CES5A: variants seen among roughly 807,000 people sequenced by gnomAD.
CES5A encodes carboxylesterase 5.
In CES5A, 67 loss-of-function variants were observed where a neutral mutation model predicts 62.9. The observed-to-expected ratio is 1.07, with a 90% CI of 0.88 to 1.31. The LOEUF (loss-of-function observed/expected upper bound fraction) is 1.31, where lower values mean the gene tolerates loss of function less well. CES5A is among the 50% of genes most tolerant of loss of function. The probability of loss-of-function intolerance (pLI) is 0.00; values close to 1 mark genes in which losing one functional copy is unlikely to be tolerated. For synonymous variants in CES5A, 296 were observed against 280.8 expected, an observed-to-expected ratio of 1.05 and a Z score of -0.54; for missense variants, 748 against 708.5, an observed-to-expected ratio of 1.06 and a Z score of -0.63.
chr16:55,920,888 A>C (rs1450582701), intron 1 of CES5A, among the ~76,000 whole-genome samples: 2 of 152,250 alleles, frequency 1.3e-5, no homozygotes, highest in East Asian at 3.9e-4. Context: ...AAAACAATTC[A>C]GAAATTTACC....
At chr16:55,875,643 G>A (rs2033682266), upstream of CES5A, among the ~76,000 whole-genome samples, 1 of 152,210 alleles carries the variant, frequency 6.6e-6, no homozygotes, top group Non-Finnish European at 1.5e-5. Flanking sequence ...AGAGGAAGAA[G>A]GTTGCTGCTG....
intron 2 of CES5A, among the ~76,000 whole-genome samples, chr16:55,931,257 C>T (rs1219018313): frequency 6.6e-6 from 1 of 152,186 alleles, no homozygotes; most frequent in South Asian, 2.1e-4. Flanking sequence ...CTATTTTCTA[C>T]ACAACATGTA....
In CES5A at chr16:55,946,302, C is replaced by T. The variant is rs923301528; in HGVS notation, c.160+3483G>A. On this transcript the variant is annotated intron_variant, in intron 2 of 13. Transcript: ENST00000521992. ...TACCCAGAAGCTGTAGGTCAAACCA[C>T]ATTTCAGGCCAAGGGCAGGGTTACC... is the stretch of plus-strand genomic sequence containing the variant. Among the ~76,000 whole-genome samples the T allele has an allele frequency of 2.6e-5, 4 of 152,154 alleles. No individual in the cohort carries two copies. The South Asian group carries it at 6.2e-4, about 24-fold the overall frequency.
At chr16:55,882,606 C>T (rs1295125041) in intron 1 of CES5A, among the ~76,000 whole-genome samples, 1 of 152,232 alleles carries the variant, frequency 6.6e-6, no homozygotes, top group Non-Finnish European at 1.5e-5. Flanking sequence ...GGTGGTCTTT[C>T]ATGTGATCTG....
chr16:55,943,979 C>T (rs533140462), intron 2 of CES5A: 19 of 700,500 alleles, frequency 2.7e-5, no homozygotes, highest in East Asian at 1.6e-4. Context: ...CATTATCAGC[C>T]CAGGTATCCC....
chr16:55,952,140 G>A (rs2034564045), intron 1 of CES5A, among the ~76,000 whole-genome samples: 2 of 152,012 alleles, frequency 1.3e-5, no homozygotes, highest in East Asian at 3.8e-4. Context: ...ACAAAAAATG[G>A]CCAAATAATT....
chr16:55,873,978 C>G lies in CES5A; in HGVS notation c.133G>C (p.Val45Leu). 1 of 1,612,498 alleles carries G rather than the reference C, an allele frequency of 6.2e-7. No homozygotes were observed. Among genetic ancestry groups the G allele is most frequent in the Middle Eastern group, 1.7e-4 (1 of 6,002 alleles). Residue 45 changes from valine (V) to leucine (L), a missense_variant, in exon 2 of 13, where the codon GTC becomes CTC. Coordinates refer to ENST00000290567, the MANE Select transcript of CES5A (RefSeq NM_001143685.2). ...GGCACAGGGCTTCCCAGCACAGTGACTTGCTTGCCCTGAATCCATCCCAGC... is the reference window on the plus strand; with the variant it reads ...GGCACAGGGCTTCCCAGCACAGTGAGTTGCTTGCCCTGAATCCATCCCAGC... ...TRLGWIQGKQ[V>L]TVLGSPVPVN...
chr16:55,904,928 CT>C (rs1214697939), intron 1 of CES5A, among the ~76,000 whole-genome samples: 1 of 152,156 alleles, frequency 6.6e-6, no homozygotes, highest in Non-Finnish European at 1.5e-5. Context: ...TTGTTCTGTC[CT>C]GGATGCCCAA....
intron 1 of CES5A, among the ~76,000 whole-genome samples, chr16:55,901,524 T>C (rs1329381891): frequency 6.6e-6 from 1 of 152,158 alleles, no homozygotes; most frequent in Non-Finnish European, 1.5e-5. Context: ...TGCCCAACCA[T>C]ACAGTTTGGG....
upstream of CES5A, among the ~76,000 whole-genome samples, chr16:55,927,659 A>T (rs781279482): frequency 6.6e-6 from 1 of 152,210 alleles, no homozygotes; most frequent in Non-Finnish European, 1.5e-5. Flanking sequence ...ATGCTTATAC[A>T]TTGTTGGTGG....
chr16:55,930,048 C>G (rs182759765), upstream of CES5A, among the ~76,000 whole-genome samples: 2 of 152,296 alleles, frequency 1.3e-5, no homozygotes, highest in Admixed American at 1.3e-4. Context: ...GATTGGATCC[C>G]TGCCCACCTC....
At chr16:55,913,205 CGAAGTGAGTTTTTCTTGCTGTCT>C (rs1303121519) in intron 1 of CES5A, among the ~76,000 whole-genome samples, 1 of 151,774 alleles carries the variant, frequency 6.6e-6, no homozygotes, top group Non-Finnish European at 1.5e-5. Flanking sequence ...ATAGGGGGGT[CGAAGTGAGTTTTTCTTGCTGTCT>C]GAAGTGAGTT....
intron 2 of CES5A, among the ~76,000 whole-genome samples, chr16:55,938,081 C>T (rs908533919): frequency 6.6e-6 from 1 of 152,154 alleles, no homozygotes; most frequent in African/African-American, 2.4e-5. Flanking sequence ...AGTGAATAAG[C>T]TATGTCATCT....
chr16:55,929,158 A>G (rs2034285566), upstream of CES5A, among the ~76,000 whole-genome samples: 1 of 152,216 alleles, frequency 6.6e-6, no homozygotes, highest in Non-Finnish European at 1.5e-5. Flanking sequence ...CACGTGGGCA[A>G]TAGAAGGGAA....
intron 1 of CES5A, among the ~76,000 whole-genome samples, chr16:55,883,645 G>T (rs1186301277): frequency 2.6e-5 from 4 of 152,176 alleles, no homozygotes; most frequent in Non-Finnish European, 4.4e-5. Context: ...ATACAATATT[G>T]TTTTTTCTTT....
chr16:55,880,538 C>A (rs1233666428), intron 1 of CES5A, among the ~76,000 whole-genome samples: 1 of 152,172 alleles, frequency 6.6e-6, no homozygotes, highest in Non-Finnish European at 1.5e-5. Flanking sequence ...TGCTTTCAGG[C>A]ACACAAACCA....
At chr16:55,950,097 A>G (rs1272857569) in intron 1 of CES5A, among the ~76,000 whole-genome samples, 1 of 152,178 alleles carries the variant, frequency 6.6e-6, no homozygotes, top group Non-Finnish European at 1.5e-5. Flanking sequence ...GGGGAAAGGC[A>G]GATGGAGAAG....
chr16:55,940,892 A>G (rs1457385106), intron 2 of CES5A, among the ~76,000 whole-genome samples: 1 of 152,004 alleles, frequency 6.6e-6, no homozygotes, highest in African/African-American at 2.4e-5. Flanking sequence ...AAAATTTTAA[A>G]AGGCAAAATA....
upstream of CES5A, among the ~76,000 whole-genome samples, chr16:55,876,467 C>T (rs545238139): frequency 9.9e-5 from 15 of 152,106 alleles, no homozygotes; most frequent in African/African-American, 1.7e-4. Flanking sequence ...CAGGAAAATC[C>T]GGCCTTTCTG....
Sources: gnomAD v4.1 joint callset for allele counts (sites outside exome capture counted in the v4.1 genomes callset) on GRCh38, gnomAD v4.1.1 for gene constraint, MANE v1.5 for transcripts, NCBI Gene and HGNC (gene_info 2026-07-23, HGNC 2026-07-21) for gene names.